Variants in CMKLR1 observed in about 807,000 individuals in gnomAD.
CMKLR1 encodes the protein chemerin chemokine-like receptor 1.
Under a neutral mutation model 8.2 loss-of-function variants are expected in CMKLR1, and 6 were observed. That is an observed-to-expected ratio of 0.73 (90% CI 0.40 to 1.44). The LOEUF is 1.44. Ranked by LOEUF, CMKLR1 falls within the 40% of genes most tolerant of loss-of-function variation. CMKLR1 has a pLI of 0.02. For missense variants in CMKLR1, 429 were observed against 478.0 expected, an observed-to-expected ratio of 0.90 and a Z score of 0.96; for synonymous variants, 178 against 181.2, an observed-to-expected ratio of 0.98 and a Z score of 0.14.
intron 1 of CMKLR1, among the ~76,000 whole-genome samples, chr12:108,331,694 C>T (rs146118148): frequency 4.2e-4 from 64 of 152,262 alleles, no homozygotes; most frequent in African/African-American, 1.5e-3. Context: ...AAAAATGAGA[C>T]AGAGAGGCAG....
At chr12:108,310,581 G>A (rs1891531642) in intron 2 of CMKLR1, among the ~76,000 whole-genome samples, 1 of 152,186 alleles carries the variant, frequency 6.6e-6, no homozygotes, top group African/African-American at 2.4e-5. Flanking sequence ...GGACTGGTTT[G>A]CTTCCAGAGC....
intron 2 of CMKLR1, among the ~76,000 whole-genome samples, chr12:108,303,215 A>T (rs530946012): frequency 6.6e-6 from 1 of 152,156 alleles, no homozygotes; most frequent in Non-Finnish European, 1.5e-5. Flanking sequence ...CTGTGCAAAG[A>T]GTCCTGGGCC....
chr12:108,336,925 A>C (rs547244936), intron 1 of CMKLR1, among the ~76,000 whole-genome samples: 10 of 152,320 alleles, frequency 6.6e-5, no homozygotes, highest in African/African-American at 2.4e-4. Flanking sequence ...GAATAATCTT[A>C]TGAGGCAGTT....
intron 2 of CMKLR1, among the ~76,000 whole-genome samples, chr12:108,307,716 T>C (rs1411204096): frequency 6.6e-6 from 1 of 152,200 alleles, no homozygotes; most frequent in Non-Finnish European, 1.5e-5. Flanking sequence ...GCAAAGCGTG[T>C]TTCACTTTAT....
chr12:108,307,515 G>A (rs1445527057), intron 2 of CMKLR1, among the ~76,000 whole-genome samples: 1 of 152,212 alleles, frequency 6.6e-6, no homozygotes, highest in Non-Finnish European at 1.5e-5. Context: ...GCCAGCGGGT[G>A]GGGAGAAGGG....
chr12:108,308,908 C>T (rs1429062054), intron 2 of CMKLR1, among the ~76,000 whole-genome samples: 2 of 152,174 alleles, frequency 1.3e-5, no homozygotes, highest in African/African-American at 2.4e-5. Flanking sequence ...CACATCCCTG[C>T]CCTTGGAGTC....
chr12:108,311,713 G>A (rs914468520), intron 2 of CMKLR1, among the ~76,000 whole-genome samples: 5 of 152,166 alleles, frequency 3.3e-5, no homozygotes, highest in Non-Finnish European at 7.3e-5. Context: ...GAGGCAACAG[G>A]AGGAAGGGTG....
Position 108,289,750 on chromosome 12 carries a change from T to C in CMKLR1, c.*2091A>G, listed in dbSNP as rs1457185779. The C allele has an allele frequency of 6.6e-6, 1 of 152,266 alleles. No homozygotes were observed. The highest frequency in any genetic ancestry group is 1.5e-5 in the Non-Finnish European group (1 of 68,048). The allele number at this position is 152,266 out of a possible 1,614,324, so 9.4% of individuals were successfully genotyped here. A position where few individuals can be genotyped will look rare whatever the true frequency, so the allele number is the denominator to read the frequency against. ...GTCTATATTCAAACTCTTTAAAGCA[T>C]TCAGAGGCTCCAGCTTGGGATCAAT... On this transcript the variant is annotated 3_prime_UTR_variant, in exon 4 of 4. Transcript: ENST00000550402.
intron 1 of CMKLR1, among the ~76,000 whole-genome samples, chr12:108,334,290 G>A (rs1199633366): frequency 2.6e-5 from 4 of 152,240 alleles, no homozygotes; most frequent in African/African-American, 9.7e-5. Flanking sequence ...ACAGGAAGCA[G>A]GTCTGATTCA....
chr12:108,298,514 T>C (rs1054578539), intron 2 of CMKLR1, among the ~76,000 whole-genome samples: 2 of 152,198 alleles, frequency 1.3e-5, no homozygotes, highest in African/African-American at 2.4e-5. Context: ...TTCACACCTT[T>C]CCTGATACAC....
rs148001753 is a variant in CMKLR1 at position 108,335,776 on chromosome 12, G to C, written c.-287+3251C>G. ...CCTTCAGCAACAAGAGTGAGATTTA[G>C]TGGCAGCCTGGAGTCTTCCACCTCT... On this transcript the variant is annotated intron_variant, in intron 1 of 3. Transcript: ENST00000550402. Among the ~76,000 whole-genome samples, 702 of 152,300 alleles carry C rather than the reference G, an allele frequency of 4.6e-3. 4 individuals carry two copies. The highest frequency in any genetic ancestry group is 0.016 in the African/African-American group (661 of 41,554).
intron 2 of CMKLR1, among the ~76,000 whole-genome samples, chr12:108,325,691 T>C (rs1191652645): frequency 1.3e-5 from 2 of 151,994 alleles, no homozygotes; most frequent in African/African-American, 4.8e-5. Context: ...AGCAAGGAAG[T>C]CAAGGAATTT....
intron 1 of CMKLR1, among the ~76,000 whole-genome samples, chr12:108,338,288 C>G (rs1288166641): frequency 2.6e-5 from 4 of 151,952 alleles, no homozygotes; most frequent in Non-Finnish European, 5.9e-5. Context: ...TAAACATGCC[C>G]CCAGAGGAGA....
At chr12:108,298,045 C>T (rs928393875) in intron 2 of CMKLR1, among the ~76,000 whole-genome samples, 13 of 152,160 alleles carry the variant, frequency 8.5e-5, no homozygotes, top group African/African-American at 2.9e-4. Context: ...TGTTGCTTCT[C>T]TTGAGGAACT....
chr12:108,305,372 G>T (rs528992153), intron 2 of CMKLR1, among the ~76,000 whole-genome samples: 5 of 152,320 alleles, frequency 3.3e-5, no homozygotes, highest in African/African-American at 9.6e-5. Flanking sequence ...CAAAGCACAA[G>T]ATCACAGCCT....
rs118035264 is a variant in CMKLR1 at position 108,334,130 on chromosome 12, A to T, written c.-286-3923T>A. 1.2e-3 allele frequency among the ~76,000 whole-genome samples: 184 copies of T among 152,338 alleles called. 4 individuals are homozygous for T. The East Asian group carries it at 0.032, about 27-fold the overall frequency. On this transcript the variant is annotated intron_variant, in intron 1 of 3. Transcript: ENST00000550402. ...GGGCCTCACTTTCCTCATCTCTCAA[A>T]TGGGTTCCACAAGGATAGGAATCCT...
intron 2 of CMKLR1, among the ~76,000 whole-genome samples, chr12:108,301,591 A>C (rs531671618): frequency 6.6e-6 from 1 of 152,336 alleles, no homozygotes; most frequent in African/African-American, 2.4e-5. Context: ...ATGCTTTACT[A>C]TTGCTGACAT....
At chr12:108,324,385 G>A (rs74811301) in intron 2 of CMKLR1, among the ~76,000 whole-genome samples, 9 of 152,202 alleles carry the variant, frequency 5.9e-5, no homozygotes, top group African/African-American at 2.4e-5. Context: ...TAACCTCCCC[G>A]TGCCCCTATT....
intron 2 of CMKLR1, among the ~76,000 whole-genome samples, chr12:108,299,700 G>A (rs1891218040): frequency 6.6e-6 from 1 of 152,180 alleles, no homozygotes; most frequent in Non-Finnish European, 1.5e-5. Flanking sequence ...AGGCCATGTG[G>A]GGATGGAGGC....
Sources: gnomAD v4.1 joint callset for allele counts (sites outside exome capture counted in the v4.1 genomes callset) on GRCh38, gnomAD v4.1.1 for gene constraint, MANE v1.5 for transcripts, NCBI Gene and HGNC (gene_info 2026-07-23, HGNC 2026-07-21) for gene names.